CHRM3: variants seen among roughly 807,000 people sequenced by gnomAD.
The protein encoded by CHRM3 is cholinergic receptor muscarinic 3.
Under a neutral mutation model 41.8 loss-of-function variants are expected in CHRM3, and 11 were observed. That is an observed-to-expected ratio of 0.26 (90% CI 0.17 to 0.44). CHRM3 has a LOEUF of 0.44. CHRM3 is among the 20% of genes least tolerant of loss of function. CHRM3 has a pLI of 1.00. For synonymous variants in CHRM3, 297 were observed against 301.4 expected, an observed-to-expected ratio of 0.99 and a Z score of 0.15; for missense variants, 571 against 745.4, an observed-to-expected ratio of 0.77 and a Z score of 2.72.
intron 5 of CHRM3, among the ~76,000 whole-genome samples, chr1:239,822,205 A>G (rs1672111172): frequency 6.6e-6 from 1 of 152,228 alleles, no homozygotes; most frequent in Admixed American, 6.5e-5. Context: ...TTTCGAAAGT[A>G]TGGCCCCACA....
At chr1:239,769,252 G>A (rs905659264) in intron 5 of CHRM3, among the ~76,000 whole-genome samples, 3 of 152,120 alleles carry the variant, frequency 2.0e-5, no homozygotes, top group Non-Finnish European at 2.9e-5. Flanking sequence ...GCCCGCCACC[G>A]GCCTGGTGAG....
At chr1:239,578,057 A>G (rs1662539596) in intron 3 of CHRM3, among the ~76,000 whole-genome samples, 1 of 152,258 alleles carries the variant, frequency 6.6e-6, no homozygotes, top group Non-Finnish European at 1.5e-5. Flanking sequence ...TGGAAAACTA[A>G]TGGTTTGATT....
intron 1 of CHRM3, among the ~76,000 whole-genome samples, chr1:239,429,140 G>C (rs920581158): frequency 6.6e-6 from 1 of 152,152 alleles, no homozygotes. Flanking sequence ...TGCAATTTAA[G>C]TACATTTGAT....
intron 3 of CHRM3, among the ~76,000 whole-genome samples, chr1:239,565,916 T>TC (rs1230186243): frequency 1.7e-4 from 25 of 146,924 alleles, no homozygotes; most frequent in African/African-American, 3.3e-4. Flanking sequence ...TTTTCTTTTT[T>TC]TTTTTTTTTT....
intron 6 of CHRM3, among the ~76,000 whole-genome samples, chr1:239,864,846 C>A (rs1282930138): frequency 6.6e-6 from 1 of 152,098 alleles, no homozygotes; most frequent in Non-Finnish European, 1.5e-5. Context: ...TAGGAGAAGA[C>A]TAACAGGCAT....
chr1:239,887,980 G>A (rs979667536), intron 6 of CHRM3, among the ~76,000 whole-genome samples: 7 of 151,990 alleles, frequency 4.6e-5, no homozygotes, highest in Non-Finnish European at 1.0e-4. Flanking sequence ...CTTATAAAAG[G>A]CCTTTACTTT....
intron 3 of CHRM3, among the ~76,000 whole-genome samples, chr1:239,598,731 A>G (rs1665112799): frequency 1.3e-5 from 2 of 152,264 alleles, no homozygotes; most frequent in South Asian, 4.1e-4. Flanking sequence ...TGAAATACCG[A>G]AGTACTCCTT....
intron 5 of CHRM3, among the ~76,000 whole-genome samples, chr1:239,688,686 TATA>T (rs1659405907): frequency 7.5e-6 from 1 of 133,348 alleles, no homozygotes; most frequent in South Asian, 2.2e-4. Flanking sequence ...TGTTATGCAA[TATA>T]ATATATAATA....
chr1:239,576,678 G>A (rs546566364), intron 3 of CHRM3, among the ~76,000 whole-genome samples: 1 of 151,916 alleles, frequency 6.6e-6, no homozygotes, highest in Admixed American at 6.6e-5. Flanking sequence ...CTAGCTACTT[G>A]GGAAGCTGAG....
At chr1:239,820,674 C>G (rs1274138693) in intron 5 of CHRM3, among the ~76,000 whole-genome samples, 2 of 151,884 alleles carry the variant, frequency 1.3e-5, no homozygotes, top group Admixed American at 6.6e-5. Context: ...GGTTTGTGCG[C>G]CCCAGCAACA....
rs565063636 is a variant in CHRM3, at chr1:239,573,159, T to C, written c.-313+27410T>C. Among the ~76,000 whole-genome samples, 12 of 152,240 alleles carry C rather than the reference T, an allele frequency of 7.9e-5. 1 individual carries two copies. The East Asian group carries it at 1.4e-3, about 17-fold the overall frequency. The stretch of plus-strand genomic sequence containing the variant: ...CTGCCTAGTTCCTCGCATTCTTTTT[T>C]TCCCCCTACCATTTAGTGCCAACTT... On this transcript the variant is annotated intron_variant, in intron 3 of 6. Transcript: ENST00000676153.
At chr1:239,448,360 A>G (rs1664303900) in intron 1 of CHRM3, among the ~76,000 whole-genome samples, 1 of 152,182 alleles carries the variant, frequency 6.6e-6, no homozygotes, top group African/African-American at 2.4e-5. Flanking sequence ...TAGTCAAATT[A>G]TTAACTTTAA....
chr1:239,391,804 CAAA>C (rs950375025), intron 1 of CHRM3, among the ~76,000 whole-genome samples: 2 of 152,128 alleles, frequency 1.3e-5, no homozygotes, highest in Non-Finnish European at 2.9e-5. Context: ...AAACAAAAAA[CAAA>C]AACCAATTTG....
chr1:239,653,166 C>G (rs892209105), intron 4 of CHRM3, among the ~76,000 whole-genome samples: 1 of 152,066 alleles, frequency 6.6e-6, no homozygotes, highest in Non-Finnish European at 1.5e-5. Flanking sequence ...GATGTATAGC[C>G]AAGGAGCCGC....
chr1:239,580,689 T>TATATATATATATATATATATATA (rs10525366), intron 3 of CHRM3, among the ~76,000 whole-genome samples: 1 of 65,152 alleles, frequency 1.5e-5, no homozygotes, highest in Non-Finnish European at 4.1e-5. Flanking sequence ...TTGCCCAATT[T>TATATATATATATATATATATATA]TATATATATA....
At chr1:239,772,243 C>T (rs775268673) in intron 5 of CHRM3, among the ~76,000 whole-genome samples, 5 of 152,066 alleles carry the variant, frequency 3.3e-5, no homozygotes, top group East Asian at 3.9e-4. Flanking sequence ...CTCTGCCTCC[C>T]GGGTTCAAGC....
At chr1:239,840,494 T>A (rs1049110748) in intron 6 of CHRM3, among the ~76,000 whole-genome samples, 2 of 152,138 alleles carry the variant, frequency 1.3e-5, no homozygotes, top group Admixed American at 6.5e-5. Context: ...CACAAAAAAA[T>A]TCAATTCTGT....
chr1:239,913,016 A>G lies in CHRM3; in HGVS notation c.*3792A>G, dbSNP rs921097534. The G allele has an allele frequency of 1.2e-5, 2 of 167,082 alleles. No homozygotes were observed. Among genetic ancestry groups the G allele is most frequent in the African/African-American group, 4.8e-5 (2 of 41,456 alleles). 10.3% of individuals were successfully genotyped at this position (167,082 alleles called of 1,614,324 possible). On this transcript the variant is annotated 3_prime_UTR_variant, in exon 7 of 7. Transcript: ENST00000676153. ...TTCTCTAATTTGCCTTCTGATGCCA[A>G]ATCGGTCAAAACTGAGGTCAGCAGC...
chr1:239,633,365 A>G (rs1260497667), intron 4 of CHRM3, among the ~76,000 whole-genome samples: 1 of 152,094 alleles, frequency 6.6e-6, no homozygotes. Context: ...CTCCCTCACT[A>G]TCATGATAAC....
Sources: allele counts gnomAD v4.1 joint callset (sites outside exome capture counted in the v4.1 genomes callset), GRCh38; gene constraint gnomAD v4.1.1; transcripts MANE v1.5; gene names NCBI Gene and HGNC (gene_info 2026-07-23, HGNC 2026-07-21).